Variants in ALG1L2 observed in about 807,000 individuals in gnomAD.
The protein encoded by ALG1L2 is ALG1 chitobiosyldiphosphodolichol beta-mannosyltransferase like 2, also known as putative glycosyltransferase ALG1L2.
Under a neutral mutation model 29.0 loss-of-function variants are expected in ALG1L2, and 32 were observed. That is an observed-to-expected ratio of 1.10 (90% CI 0.83 to 1.48). ALG1L2 has a LOEUF of 1.48. Among genes scored for constraint, ALG1L2 ranks in the 40% most tolerant of loss-of-function variants. The probability of loss-of-function intolerance (pLI) is 0.00; values close to 1 mark genes in which losing one functional copy is unlikely to be tolerated. For missense variants in ALG1L2, 318 were observed against 274.1 expected, an observed-to-expected ratio of 1.16 and a Z score of -1.13; for synonymous variants, 110 against 109.5, an observed-to-expected ratio of 1.00 and a Z score of -0.03.
At position 130,091,964 on chromosome 3, in the gene ALG1L2, G is replaced by C. The variant is rs1935024219; in HGVS notation, c.132-137G>C. ...AGCAAGCCCAGGCCTCGATTGGCAGGGGTGGCCTGGTGCTGCTGATGCAGC... is the reference window on the plus strand; with the variant it reads ...AGCAAGCCCAGGCCTCGATTGGCAGCGGTGGCCTGGTGCTGCTGATGCAGC... On this transcript the variant is annotated intron_variant, in intron 2 of 7. Transcript: ENST00000425059. The C allele has an allele frequency of 2.1e-6, 3 of 1,407,962 alleles. No homozygotes were observed. In the African/African-American group the frequency reaches 4.3e-5, roughly 20 times the overall value. 87.2% of individuals were successfully genotyped at this position (1,407,962 alleles called of 1,614,324 possible).
At chr3:130,097,685 G>A (rs1935173259) in intron 7 of ALG1L2, among the ~76,000 whole-genome samples, 1 of 152,188 alleles carries the variant, frequency 6.6e-6, no homozygotes, top group South Asian at 2.1e-4. Flanking sequence ...TTTCAGTAAA[G>A]GTCCAGGTCA....
At chr3:130,097,356 G>A (rs1935165214) in intron 7 of ALG1L2, 106 bp downstream of exon 7, 2 of 1,495,958 alleles carry the variant, frequency 1.3e-6, no homozygotes, top group Admixed American at 2.3e-5. Flanking sequence ...ACCATGCGGG[G>A]TCTGGCGGAA....
chr3:130,089,034 G>A (rs1934953143), intron 1 of ALG1L2, among the ~76,000 whole-genome samples: 1 of 152,264 alleles, frequency 6.6e-6, no homozygotes, highest in Non-Finnish European at 1.5e-5. Context: ...AGTAGGGCTA[G>A]CCAACTTCTG....
At chr3:130,093,197 G>T (rs763974501) in intron 4 of ALG1L2, 37 bp downstream of exon 4, 1 of 1,600,492 alleles carries the variant, frequency 6.2e-7, no homozygotes, top group Non-Finnish European at 8.5e-7. Flanking sequence ...TTTGGTTGGG[G>T]GATGGTGGAG....
At chr3:130,097,456 C>T (rs1935168856) in intron 7 of ALG1L2, among the ~76,000 whole-genome samples, 1 of 152,214 alleles carries the variant, frequency 6.6e-6, no homozygotes, top group African/African-American at 2.4e-5. Context: ...GGACACAACC[C>T]CACCTGCCCT....
intron 1 of ALG1L2, among the ~76,000 whole-genome samples, chr3:130,083,852 G>A (rs896585841): frequency 1.9e-4 from 22 of 113,054 alleles, no homozygotes; most frequent in African/African-American, 6.1e-4. Context: ...GCTCCTGACT[G>A]TAAAGAGGGG....
At chr3:130,096,539 CTTTG>C (rs1190628989) in intron 6 of ALG1L2, among the ~76,000 whole-genome samples, 9 of 152,176 alleles carry the variant, frequency 5.9e-5, no homozygotes, top group Non-Finnish European at 1.0e-4. Context: ...ACATGGTTTT[CTTTG>C]TTTCTTTCTC....
intron 1 of ALG1L2, among the ~76,000 whole-genome samples, chr3:130,087,497 G>T (rs1934917275): frequency 7.6e-6 from 1 of 131,046 alleles, no homozygotes; most frequent in African/African-American, 2.6e-5. Flanking sequence ...TCTGAATGAG[G>T]TCCATTAGAA....
chr3:130,082,043 A>C lies in ALG1L2; in HGVS notation c.20+7A>C. On this transcript the variant is annotated splice_region_variant and intron_variant, in intron 1 of 7. Coordinates refer to ENST00000425059, the MANE Select transcript of ALG1L2 (RefSeq NM_001136152.1). Reference sequence around the variant, plus strand: ...TGGGAGCTACTGCAGGCTGGTAAGCAGGGGGGTGGTGCTGGTTGGATTGCA... The same window carrying C: ...TGGGAGCTACTGCAGGCTGGTAAGCCGGGGGGTGGTGCTGGTTGGATTGCA... 1.3e-6 allele frequency: 2 copies of C among 1,505,094 alleles called. No individual in the cohort carries two copies. Among genetic ancestry groups the C allele is most frequent in the Non-Finnish European group, 1.8e-6 (2 of 1,107,994 alleles). 93.2% of individuals were successfully genotyped at this position (1,505,094 alleles called of 1,614,324 possible). A position where few individuals can be genotyped will look rare whatever the true frequency, so the allele number is the denominator to read the frequency against.
chr3:130,089,597 ATTCAT>A (rs1934965321), intron 1 of ALG1L2: 1 of 152,302 alleles, frequency 6.6e-6, no homozygotes, highest in Non-Finnish European at 1.5e-5. Context: ...TACTAGGAGA[ATTCAT>A]TTCACCCCTT....
At chr3:130,086,691 G>T (rs1934896882) in intron 1 of ALG1L2, among the ~76,000 whole-genome samples, 1 of 135,404 alleles carries the variant, frequency 7.4e-6, no homozygotes, top group African/African-American at 2.5e-5. Context: ...AGTAAGAGAA[G>T]AGAAGACAGA....
In ALG1L2 at chr3:130,098,324, G is replaced by A; in HGVS notation, c.*69G>A. 3 of 1,596,454 alleles carry A rather than the reference G, an allele frequency of 1.9e-6. No homozygotes were observed. The highest frequency in any genetic ancestry group is 1.1e-5 in the South Asian group (1 of 90,992). On this transcript the variant is annotated 3_prime_UTR_variant, in exon 8 of 8. Coordinates refer to ENST00000425059, the MANE Select transcript of ALG1L2 (RefSeq NM_001136152.1). ...TCGCAGCAGCTCTGATGGGATGAGA[G>A]CTGGGTGCAGACTGTGCTCCCTTTG...
chr3:130,085,219 C>A (rs577250694), intron 1 of ALG1L2, among the ~76,000 whole-genome samples: 10 of 143,088 alleles, frequency 7.0e-5, no homozygotes, highest in East Asian at 5.9e-4. Context: ...CTCGGCCTCC[C>A]AAACTGCCAA....
At chr3:130,092,003 C>A in intron 2 of ALG1L2, 98 bp from the exon 3 acceptor site, 1 of 1,564,334 alleles carries the variant, frequency 6.4e-7, no homozygotes, top group Non-Finnish European at 8.7e-7. Flanking sequence ...GCACCCCAAC[C>A]GTTGGGAGCC....
At chr3:130,086,461 G>A (rs1331358706) in intron 1 of ALG1L2, among the ~76,000 whole-genome samples, 3 of 150,848 alleles carry the variant, frequency 2.0e-5, no homozygotes, top group Non-Finnish European at 4.4e-5. Flanking sequence ...GAAGCCAAGA[G>A]TCCAAGATCA....
chr3:130,091,071 G>T (rs1198326494), intron 1 of ALG1L2, 190 bp from the exon 2 acceptor site: 8 of 599,574 alleles, frequency 1.3e-5, no homozygotes, highest in African/African-American at 9.3e-5. Flanking sequence ...TTTCCAGTTT[G>T]TAAAAAGCCC....
intron 1 of ALG1L2, among the ~76,000 whole-genome samples, chr3:130,085,688 G>T (rs1333069038): frequency 6.6e-6 from 1 of 151,696 alleles, no homozygotes; most frequent in African/African-American, 2.4e-5. Context: ...TTTTGTGGGA[G>T]AGGGGATGCA....
chr3:130,085,664 G>A (rs773048927), intron 1 of ALG1L2, among the ~76,000 whole-genome samples: 27 of 151,814 alleles, frequency 1.8e-4, no homozygotes, highest in African/African-American at 6.3e-4. Context: ...TGGGGGTCAG[G>A]ACTCCAAGAA....
intron 1 of ALG1L2, among the ~76,000 whole-genome samples, chr3:130,087,898 G>A (rs1176180483): frequency 1.4e-5 from 1 of 70,038 alleles, no homozygotes; most frequent in African/African-American, 3.7e-5. Flanking sequence ...TTAGCTGGGG[G>A]TGAAACTCCA....
Sources: gnomAD v4.1 joint callset for allele counts (sites outside exome capture counted in the v4.1 genomes callset) on GRCh38, gnomAD v4.1.1 for gene constraint, MANE v1.5 for transcripts, NCBI Gene and HGNC (gene_info 2026-07-23, HGNC 2026-07-21) for gene names.